VIPR2: variants seen among roughly 807,000 people sequenced by gnomAD.
The protein encoded by VIPR2 is vasoactive intestinal polypeptide receptor 2.
Under a neutral mutation model 58.0 loss-of-function variants are expected in VIPR2, and 48 were observed. The observed-to-expected ratio is 0.83, with a 90% CI of 0.66 to 1.05. The LOEUF is 1.05. Among genes scored for constraint, VIPR2 ranks in the 50% least tolerant of loss-of-function variants. The pLI is 0.00. For synonymous variants in VIPR2, 243 were observed against 235.2 expected (o/e 1.03, Z -0.30); for missense variants, 534 against 558.0 (o/e 0.96, Z 0.43).
At position 159,036,020 on chromosome 7, in the gene VIPR2, G is replaced by C. The variant is rs933860934; in HGVS notation, c.749-8C>G. The C allele has an allele frequency of 6.2e-7, 1 of 1,612,518 alleles. No individual in the cohort carries two copies. Among genetic ancestry groups the C allele is most frequent in the African/African-American group, 1.3e-5 (1 of 74,932 alleles). ...TGCAGACGGTGGGGAGGCCTGCAGA[G>C]AGACGCCTGGTTACACAGGTGGAGC... On this transcript the variant is annotated splice_polypyrimidine_tract_variant and splice_region_variant and intron_variant, in intron 7 of 12. Transcript: ENST00000262178.
At chr7:159,132,365 T>C (rs1488171974) in intron 2 of VIPR2, among the ~76,000 whole-genome samples, 7 of 139,322 alleles carry the variant, frequency 5.0e-5, no homozygotes, top group South Asian at 2.5e-4. Flanking sequence ...GAGCAGTTTT[T>C]ATTCCAGAGC....
rs917872688 is a variant in VIPR2, at chr7:159,031,841, A to G, written c.1130T>C (p.Phe377Ser). Residue 377 changes from phenylalanine to serine, a missense_variant, in exon 12 of 13, where the codon TTC becomes TCC. Coordinates refer to ENST00000262178, the MANE Select transcript of VIPR2 (RefSeq NM_003382.5). This position sits in a 1 kb window ranked among gnomAD's most constrained non-coding sequence, Gnocchi z 4.0. ...QGLVVAVLYC[F>S]LNSEVQCELK... ...CCATGAACTTACCTCACTGTTCAGG[A>G]AACAGTAGAGGACGGCCACCACCAG... 2.0e-5 allele frequency: 33 copies of G among 1,613,876 alleles called. No homozygotes were observed. The highest frequency in any genetic ancestry group is 2.5e-5 in the Non-Finnish European group (30 of 1,180,014).
intron 4 of VIPR2, among the ~76,000 whole-genome samples, chr7:159,081,271 G>T (rs1337218429): frequency 1.3e-5 from 2 of 152,090 alleles, no homozygotes; most frequent in African/African-American, 2.4e-5. Context: ...AAAACAGAGA[G>T]ATAGACCAAT....
Position 159,098,628 on chromosome 7 carries a change from G to C in VIPR2, c.357+5129C>G, listed in dbSNP as rs1858007001. ...GATGCAGCTGCTCAGCAGTGCCCAG[G>C]GCTGCCCTAGAGCCCTCTGGTCCGC... On this transcript the variant is annotated intron_variant, in intron 4 of 12. Transcript: ENST00000262178. This position sits in a 1 kb window ranked among gnomAD's most constrained non-coding sequence, Gnocchi z 5.2. Among the ~76,000 whole-genome samples, 1 of 152,136 alleles carries C rather than the reference G, an allele frequency of 6.6e-6. No homozygotes were observed. Among genetic ancestry groups the C allele is most frequent in the Non-Finnish European group, 1.5e-5 (1 of 68,022 alleles).
intron 4 of VIPR2, among the ~76,000 whole-genome samples, chr7:159,082,254 G>A (rs564859843): frequency 1.3e-5 from 2 of 152,278 alleles, no homozygotes; most frequent in East Asian, 3.9e-4. Flanking sequence ...AGAAAATGTG[G>A]CACACATACA....
intron 4 of VIPR2, among the ~76,000 whole-genome samples, chr7:159,078,284 CT>C (rs1049653185): frequency 3.3e-5 from 5 of 151,512 alleles, no homozygotes; most frequent in Admixed American, 3.3e-4. Context: ...AACTAGTAAC[CT>C]TTTTTTTTGT....
chr7:159,104,855 CA>C (rs1858553234), intron 3 of VIPR2, among the ~76,000 whole-genome samples: 1 of 147,932 alleles, frequency 6.8e-6, no homozygotes, highest in Non-Finnish European at 1.5e-5. Flanking sequence ...GCCAGGCCCT[CA>C]CCACCAACGG....
rs1325879595 is a variant in VIPR2, at chr7:159,031,805, T to C, written c.1143+23A>G. The C allele has an allele frequency of 6.2e-7, 1 of 1,613,816 alleles. No homozygotes were observed. Among genetic ancestry groups the C allele is most frequent in the Admixed American group, 1.7e-5 (1 of 60,016 alleles). ...GAAGCAAGTGAGTACCTGTGCTTGG[T>C]TCCAAGGCGGCCATGAACTTACCTC... On this transcript the variant is annotated intron_variant, in intron 12 of 12. Coordinates refer to ENST00000262178, the MANE Select transcript of VIPR2 (RefSeq NM_003382.5). This position sits in a 1 kb window ranked among gnomAD's most constrained non-coding sequence, Gnocchi z 4.0.
chr7:159,043,004 C>T, intron 6 of VIPR2, 31 bp downstream of exon 6: 1 of 1,610,072 alleles, frequency 6.2e-7, no homozygotes, highest in Non-Finnish European at 8.5e-7. Flanking sequence ...AGGGACAAGA[C>T]AGTGGGACCC....
chr7:159,142,334 TTTC>T (rs1797505656), intron 2 of VIPR2, 109 bp downstream of exon 2: 7 of 779,462 alleles, frequency 9.0e-6, no homozygotes, highest in Non-Finnish European at 1.4e-5. Context: ...GGCCTTTCTT[TTTC>T]TTTTTTTTTT....
chr7:159,084,188 C>T (rs889155945), intron 4 of VIPR2, among the ~76,000 whole-genome samples: 19 of 152,400 alleles, frequency 1.2e-4, no homozygotes, highest in East Asian at 9.6e-4. Flanking sequence ...ACAAGACCAA[C>T]GCGCACCAGG....
At chr7:159,054,629 C>T (rs1855200842) in intron 5 of VIPR2, among the ~76,000 whole-genome samples, 1 of 152,200 alleles carries the variant, frequency 6.6e-6, no homozygotes, top group Non-Finnish European at 1.5e-5. Context: ...TACAGACGCA[C>T]AAGAATGGCT....
chr7:159,090,944 C>T (rs1436623344), intron 4 of VIPR2, among the ~76,000 whole-genome samples: 4 of 123,180 alleles, frequency 3.2e-5, no homozygotes, highest in Non-Finnish European at 7.0e-5. Flanking sequence ...AGCACAGACA[C>T]GCTGGGATCA....
At chr7:159,040,708 CA>C in intron 6 of VIPR2, among the ~76,000 whole-genome samples, 1 of 152,256 alleles carries the variant, frequency 6.6e-6, no homozygotes, top group South Asian at 2.1e-4. Flanking sequence ...AAAAAATATA[CA>C]AAAAAATTCA....
chr7:159,106,369 G>A (rs1021717432), intron 3 of VIPR2, among the ~76,000 whole-genome samples: 1 of 152,276 alleles, frequency 6.6e-6, no homozygotes, highest in African/African-American at 2.4e-5. Context: ...AAATGACTGA[G>A]GTGGCAACCT....
At chr7:159,080,867 A>G (rs1489488489) in intron 4 of VIPR2, among the ~76,000 whole-genome samples, 1 of 152,140 alleles carries the variant, frequency 6.6e-6, no homozygotes, top group African/African-American at 2.4e-5. Context: ...CCCAGTCACA[A>G]TTGCTTCAAA....
At chr7:159,100,090 A>G (rs1261352552) in intron 4 of VIPR2, among the ~76,000 whole-genome samples, 1 of 152,164 alleles carries the variant, frequency 6.6e-6, no homozygotes, top group East Asian at 1.9e-4. Flanking sequence ...CCCACAGGTC[A>G]ATGTGGTCCC....
intron 4 of VIPR2, among the ~76,000 whole-genome samples, chr7:159,066,405 G>A (rs1398391683): frequency 2.0e-5 from 3 of 151,316 alleles, no homozygotes; most frequent in Admixed American, 1.3e-4. Flanking sequence ...CTCCTGCAGC[G>A]TCCAAGGGAT....
At position 159,096,754 on chromosome 7, in the gene VIPR2, G is replaced by C; in HGVS notation, c.357+7003C>G. 2 of 1,401,408 alleles carry C rather than the reference G, an allele frequency of 1.4e-6. No homozygotes were observed. Among genetic ancestry groups the C allele is most frequent in the Non-Finnish European group, 1.9e-6 (2 of 1,074,162 alleles). 86.8% of individuals were successfully genotyped at this position (1,401,408 alleles called of 1,614,324 possible). On this transcript the variant is annotated intron_variant, in intron 4 of 12. Transcript: ENST00000262178. This position sits in a 1 kb window ranked among gnomAD's most constrained non-coding sequence, Gnocchi z 5.5. ...GGTGACAGCTGAATGATTTCTGCCTGTGGCCAGATTTCTGCCCCTGCCTGA... is the reference window on the plus strand; with the variant it reads ...GGTGACAGCTGAATGATTTCTGCCTCTGGCCAGATTTCTGCCCCTGCCTGA...
Sources: gnomAD v4.1 joint callset for allele counts (sites outside exome capture counted in the v4.1 genomes callset) on GRCh38, gnomAD v4.1.1 for gene constraint, Gnocchi (gnomAD v3.1) non-coding constraint, MANE v1.5 for transcripts, NCBI Gene and HGNC (gene_info 2026-07-23, HGNC 2026-07-21) for gene names.